The following CHRM2 variants were observed in gnomAD, a reference collection of about 807,000 sequenced individuals.
CHRM2 encodes the protein cholinergic receptor muscarinic 2, also known as muscarinic acetylcholine receptor M2.
CHRM2 carries 8 observed loss-of-function variants against 25.0 expected under a neutral mutation model. The ratio of observed to expected loss-of-function variants is 0.32; its 90% CI spans 0.19 to 0.58. CHRM2 has a LOEUF of 0.58. CHRM2 is among the 20% of genes least tolerant of loss of function. The pLI, the probability that CHRM2 is intolerant of heterozygous loss-of-function variation, is 0.88. For synonymous variants in CHRM2, 202 were observed against 205.7 expected (o/e 0.98, Z 0.15); for missense variants, 440 against 567.1 (o/e 0.78, Z 2.28).
chr7:136,891,174 T>C (rs1453488485), intron 2 of CHRM2, among the ~76,000 whole-genome samples: 1 of 152,238 alleles, frequency 6.6e-6, no homozygotes, highest in Non-Finnish European at 1.5e-5. Context: ...AACAAACCAA[T>C]ACTGAAACAT....
chr7:136,933,760 A>G (rs1395823194), intron 2 of CHRM2, among the ~76,000 whole-genome samples: 1 of 152,190 alleles, frequency 6.6e-6, no homozygotes, highest in Non-Finnish European at 1.5e-5. Flanking sequence ...CAGCACTTAT[A>G]TATGAGGTAA....
rs760053918 is a variant in CHRM2 at position 137,014,946 on chromosome 7, C to A, written c.81C>A (p.Val27=). The part of the protein sequence containing the change: ...PYKTFEVVFI[V]LVAGSLSLVT... ...AGACATTTGAAGTGGTGTTTATTGT[C>A]CTGGTGGCTGGATCCCTCAGTTTGG... Residue 27 remains valine (V), a synonymous_variant, in exon 4 of 4, where the codon GTC becomes GTA. Transcript: ENST00000680005. The A allele has an allele frequency of 6.2e-7, 1 of 1,613,134 alleles. No individual in the cohort carries two copies. Among genetic ancestry groups the A allele is most frequent in the Non-Finnish European group, 8.5e-7 (1 of 1,179,560 alleles).
At position 136,923,064 on chromosome 7, in the gene CHRM2, T is replaced by G. The variant is rs989974267; in HGVS notation, c.-125+53646T>G. 6.6e-5 allele frequency among the ~76,000 whole-genome samples: 10 copies of G among 152,246 alleles called. No individual in the cohort carries two copies. The East Asian group carries it at 1.9e-3, about 29-fold the overall frequency. ...ATTCAACCCTTAAATAAACCTTAAT[T>G]ACAATGCCATTTGGTAGATTTAATA... On this transcript the variant is annotated intron_variant, in intron 2 of 3. Transcript: ENST00000680005.
intron 2 of CHRM2, among the ~76,000 whole-genome samples, chr7:136,907,365 C>A (rs112017255): frequency 5.1e-4 from 78 of 152,002 alleles, no homozygotes; most frequent in African/African-American, 1.8e-3. Context: ...GTTGCTTGAC[C>A]TTCTCTCTGG....
intron 2 of CHRM2, among the ~76,000 whole-genome samples, chr7:136,896,149 T>C (rs533384016): frequency 6.6e-6 from 1 of 152,302 alleles, no homozygotes; most frequent in Admixed American, 6.5e-5. Flanking sequence ...GTAGACTTGT[T>C]CAGAGAGAGC....
At chr7:136,888,779 A>G (rs1334342968) in intron 2 of CHRM2, among the ~76,000 whole-genome samples, 1 of 152,124 alleles carries the variant, frequency 6.6e-6, no homozygotes, top group Non-Finnish European at 1.5e-5. Flanking sequence ...TTACCAATTC[A>G]ATCACGCCTG....
chr7:136,980,316 G>A (rs1802400337), intron 2 of CHRM2, among the ~76,000 whole-genome samples: 1 of 152,202 alleles, frequency 6.6e-6, no homozygotes, highest in Non-Finnish European at 1.5e-5. Flanking sequence ...CTTTGCTGAA[G>A]TTGCTTATGA....
chr7:137,004,088 T>C (rs1208837451), intron 3 of CHRM2, among the ~76,000 whole-genome samples: 2 of 152,140 alleles, frequency 1.3e-5, no homozygotes, highest in East Asian at 1.9e-4. Context: ...ACTAATACAA[T>C]TGTGCTTCAA....
At chr7:137,000,531 GAAAGAAAA>G (rs1436937461) in intron 3 of CHRM2, among the ~76,000 whole-genome samples, 4 of 122,812 alleles carry the variant, frequency 3.3e-5, no homozygotes, top group Admixed American at 2.7e-4. Flanking sequence ...AAAAAAGAAA[GAAAGAAAA>G]GAAAGAAAGA....
chr7:136,962,010 C>T (rs117372350), intron 2 of CHRM2, among the ~76,000 whole-genome samples: 1 of 152,086 alleles, frequency 6.6e-6, no homozygotes, highest in Non-Finnish European at 1.5e-5. Context: ...TTCTCAGCAA[C>T]CTTTTCTAGA....
intron 2 of CHRM2, among the ~76,000 whole-genome samples, chr7:136,906,435 T>C (rs901417325): frequency 1.1e-4 from 17 of 151,696 alleles, no homozygotes; most frequent in Middle Eastern, 3.4e-3. Flanking sequence ...TGTGTATATG[T>C]ATACATTTGG....
chr7:136,965,265 A>G (rs189813998), intron 2 of CHRM2, among the ~76,000 whole-genome samples: 44 of 152,186 alleles, frequency 2.9e-4, no homozygotes, highest in Non-Finnish European at 4.3e-4. Flanking sequence ...ACATCTGCAT[A>G]TTGGTTAGGA....
intron 2 of CHRM2, among the ~76,000 whole-genome samples, chr7:136,873,848 T>C (rs1795940976): frequency 6.6e-6 from 1 of 152,202 alleles, no homozygotes; most frequent in African/African-American, 2.4e-5. Context: ...CTGAGTAGGC[T>C]CTTAGTTGGC....
chr7:136,993,281 T>C (rs544654048), intron 3 of CHRM2, among the ~76,000 whole-genome samples: 184 of 152,272 alleles, frequency 1.2e-3, no homozygotes, highest in African/African-American at 3.8e-3. Context: ...GAGATATTTG[T>C]ATGATCAGGA....
chr7:136,933,383 A>C (rs1273778896), intron 2 of CHRM2, among the ~76,000 whole-genome samples: 2 of 152,222 alleles, frequency 1.3e-5, no homozygotes, highest in African/African-American at 4.8e-5. Context: ...AATCACACTG[A>C]GATATTATTT....
chr7:136,998,795 A>T (rs1803781547), intron 3 of CHRM2, among the ~76,000 whole-genome samples: 1 of 152,018 alleles, frequency 6.6e-6, no homozygotes, highest in South Asian at 2.1e-4. Context: ...CATCTTGCAA[A>T]TTTTTTTATT....
chr7:136,954,658 A>G (rs1386019214), intron 2 of CHRM2, among the ~76,000 whole-genome samples: 1 of 152,184 alleles, frequency 6.6e-6, no homozygotes, highest in Non-Finnish European at 1.5e-5. Context: ...AAAATATGAA[A>G]GACTTTTGAA....
chr7:137,014,137 T>G (rs1477948160), intron 3 of CHRM2, among the ~76,000 whole-genome samples: 1 of 152,068 alleles, frequency 6.6e-6, no homozygotes, highest in Non-Finnish European at 1.5e-5. Flanking sequence ...ATGCATTTAA[T>G]AAGCAAATAT....
At chr7:136,909,904 G>A (rs1461797683) in intron 2 of CHRM2, among the ~76,000 whole-genome samples, 1 of 151,818 alleles carries the variant, frequency 6.6e-6, no homozygotes, top group Non-Finnish European at 1.5e-5. Flanking sequence ...TTCATTTGCA[G>A]AGTATAACAA....
Sources: gnomAD v4.1 joint callset for allele counts (sites outside exome capture counted in the v4.1 genomes callset) on GRCh38, gnomAD v4.1.1 for gene constraint, MANE v1.5 for transcripts, NCBI Gene and HGNC (gene_info 2026-07-23, HGNC 2026-07-21) for gene names.